The following NUP98 variants were observed in gnomAD, a reference collection of about 807,000 sequenced individuals.
The protein encoded by NUP98 is nucleoporin 98 and 96 precursor, also known as nuclear pore complex protein Nup98-Nup96.
NUP98 carries 26 observed loss-of-function variants against 191.9 expected under a neutral mutation model. The observed-to-expected ratio is 0.14, with a 90% CI of 0.10 to 0.19. The LOEUF (loss-of-function observed/expected upper bound fraction) is 0.19, where lower values mean the gene tolerates loss of function less well. Among genes scored for constraint, NUP98 ranks in the 10% least tolerant of loss-of-function variants. NUP98 has a pLI of 1.00. For missense variants in NUP98, 1,941 were observed against 2,178.8 expected, an observed-to-expected ratio of 0.89 and a Z score of 2.17; for synonymous variants, 808 against 778.4, an observed-to-expected ratio of 1.04 and a Z score of -0.63.
intron 1 of NUP98, among the ~76,000 whole-genome samples, chr11:3,788,495 G>C (rs1433883026): frequency 6.6e-6 from 1 of 152,136 alleles, no homozygotes; most frequent in African/African-American, 2.4e-5. Context: ...GGAGGCTGAG[G>C]CAGGAGAACT....
chr11:3,766,230 C>A (rs574335258), intron 8 of NUP98, among the ~76,000 whole-genome samples: 1 of 152,048 alleles, frequency 6.6e-6, no homozygotes, highest in Non-Finnish European at 1.5e-5. Flanking sequence ...CAAAAATTAG[C>A]TGGACATGGT....
chr11:3,780,362 C>G (rs897000916), intron 2 of NUP98, among the ~76,000 whole-genome samples: 3 of 147,208 alleles, frequency 2.0e-5, no homozygotes, highest in African/African-American at 7.5e-5. Flanking sequence ...AACCCTGTCT[C>G]CACTTAAAAT....
At chr11:3,758,580 T>C (rs181642559) in intron 10 of NUP98, among the ~76,000 whole-genome samples, 3 of 151,352 alleles carry the variant, frequency 2.0e-5, no homozygotes, top group Non-Finnish European at 4.4e-5. Context: ...AGGTCAGGAG[T>C]TCAAAACCAG....
At chr11:3,677,954 T>A (rs566137235) in intron 31 of NUP98, among the ~76,000 whole-genome samples, 1 of 148,860 alleles carries the variant, frequency 6.7e-6, no homozygotes, top group African/African-American at 2.5e-5. Flanking sequence ...CTGGCCAACA[T>A]GGTGAAACCC....
chr11:3,776,043 G>A, intron 4 of NUP98, 22 bp from the exon 5 acceptor site: 1 of 1,591,158 alleles, frequency 6.3e-7, no homozygotes, highest in Non-Finnish European at 8.6e-7. Context: ...AAAGAAAAAT[G>A]AGACGATAAC....
chr11:3,721,803 A>G (rs938222754), intron 16 of NUP98, among the ~76,000 whole-genome samples: 1 of 152,128 alleles, frequency 6.6e-6, no homozygotes, highest in Non-Finnish European at 1.5e-5. Context: ...AAACTCAAGG[A>G]AAGTAGTGGA....
chr11:3,725,042 T>C (rs1361217396), intron 15 of NUP98, 61 bp downstream of exon 15: 2 of 727,560 alleles, frequency 2.7e-6, no homozygotes, highest in African/African-American at 1.8e-5. Context: ...TTCCTAAGAA[T>C]GTCTTAAAAA....
Position 3,744,669 on chromosome 11 carries a change from G to C in NUP98, c.1268-20C>G. The C allele has an allele frequency of 6.3e-7, 1 of 1,584,532 alleles. No homozygotes were observed. Among genetic ancestry groups the C allele is most frequent in the Non-Finnish European group, 8.6e-7 (1 of 1,168,992 alleles). On this transcript the variant is annotated intron_variant, in intron 11 of 32. Transcript: ENST00000324932. ...CAAGAGCTACGGAGACAAGAGGAAA[G>C]AAAAAAGCACCACAGAAGATCCTTT...
At chr11:3,711,822 C>T (rs1362425858) in intron 20 of NUP98, 1 of 1,028,814 alleles carries the variant, frequency 9.7e-7, no homozygotes, top group Non-Finnish European at 1.2e-6. Flanking sequence ...TATATACACA[C>T]ATTCTCCAGA....
In NUP98 at chr11:3,774,272, C is replaced by T. The variant is rs182428750; in HGVS notation, c.496-533G>A. Among the ~76,000 whole-genome samples the T allele has an allele frequency of 1.4e-3, 219 of 151,912 alleles. 2 individuals are homozygous for T. The highest frequency in any genetic ancestry group is 7.7e-4 in the Non-Finnish European group (52 of 67,966). On this transcript the variant is annotated intron_variant, in intron 5 of 32. Transcript: ENST00000324932. ...AAATAAAAAATAAAAATGAGCCAGG[C>T]GTGGTAGCGTGCACCTGTAGTCCCA...
At chr11:3,762,789 G>T in intron 9 of NUP98, 113 bp downstream of exon 9, 1 of 1,052,282 alleles carries the variant, frequency 9.5e-7, no homozygotes, top group Non-Finnish European at 1.4e-6. Context: ...TATTAGGCTG[G>T]TGCAATAATA....
intron 14 of NUP98, among the ~76,000 whole-genome samples, chr11:3,727,585 T>C (rs1175013427): frequency 1.3e-5 from 2 of 151,858 alleles, no homozygotes; most frequent in Admixed American, 1.3e-4. Context: ...TAAATAAAGG[T>C]GGCATGGTGG....
chr11:3,737,334 A>T (rs1210440233), intron 12 of NUP98, among the ~76,000 whole-genome samples: 1 of 151,358 alleles, frequency 6.6e-6, no homozygotes, highest in Non-Finnish European at 1.5e-5. Flanking sequence ...AAAAAAAAAA[A>T]AAAAAAAGAG....
chr11:3,753,434 T>C (rs560089274), intron 10 of NUP98, 26 bp from the exon 11 acceptor site: 20 of 1,559,444 alleles, frequency 1.3e-5, no homozygotes, highest in African/African-American at 1.2e-4. Context: ...AATGAGTGGA[T>C]TGTACTTTTA....
chr11:3,703,791 C>T (rs2078780099), intron 22 of NUP98, among the ~76,000 whole-genome samples: 1 of 152,132 alleles, frequency 6.6e-6, no homozygotes, highest in Non-Finnish European at 1.5e-5. Context: ...TACAATTGTA[C>T]ATGTGACCTT....
intron 1 of NUP98, among the ~76,000 whole-genome samples, chr11:3,789,142 T>C (rs1487215775): frequency 6.6e-6 from 1 of 152,166 alleles, no homozygotes; most frequent in Admixed American, 6.6e-5. Flanking sequence ...AAAAGACTGG[T>C]AGGAGGACAA....
chr11:3,762,282 T>G (rs276898), intron 9 of NUP98, among the ~76,000 whole-genome samples: 27,606 of 150,774 alleles, frequency 0.18, 2,658 homozygotes, highest in East Asian at 0.26. Flanking sequence ...GCTAGTGGTT[T>G]TTTTTTTTTT....
intron 31 of NUP98, among the ~76,000 whole-genome samples, chr11:3,678,172 G>A (rs1340369996): frequency 6.6e-6 from 1 of 150,426 alleles, no homozygotes; most frequent in African/African-American, 2.4e-5. Context: ...GTACATGAAA[G>A]GTACTATGTA....
intron 25 of NUP98, 66 bp downstream of exon 25, chr11:3,699,016 G>A (rs1301131093): frequency 2.1e-5 from 33 of 1,560,070 alleles, no homozygotes; most frequent in East Asian, 9.0e-5. Context: ...AATTAGCGGG[G>A]AGCGGTAGGA....
Sources: allele counts gnomAD v4.1 joint callset (sites outside exome capture counted in the v4.1 genomes callset), GRCh38; gene constraint gnomAD v4.1.1; transcripts MANE v1.5; gene names NCBI Gene and HGNC (gene_info 2026-07-23, HGNC 2026-07-21).